MAGI2: variants seen among roughly 807,000 people sequenced by gnomAD.
The protein encoded by MAGI2 is membrane-associated guanylate kinase, WW and PDZ domain-containing protein 2.
Under a neutral mutation model 133.3 loss-of-function variants are expected in MAGI2, and 35 were observed. The observed-to-expected ratio is 0.26, with a 90% CI of 0.20 to 0.35. The LOEUF is 0.35. Ranked by LOEUF, MAGI2 falls within the 10% of genes least tolerant of loss-of-function variation. MAGI2 has a pLI of 1.00. For synonymous variants in MAGI2, 729 were observed against 710.6 expected (o/e 1.03, Z -0.41); for missense variants, 1,636 against 1,863.4 (o/e 0.88, Z 2.25).
chr7:79,452,387 A>G (rs6949538), intron 1 of MAGI2, among the ~76,000 whole-genome samples: 131,594 of 152,188 alleles, frequency 0.86, 57,237 homozygotes, highest in African/African-American at 0.95. Flanking sequence ...CACGACCGTG[A>G]GCGGGGGAGG....
At chr7:79,153,509 A>C (rs745649534) in intron 1 of MAGI2, among the ~76,000 whole-genome samples, 6 of 152,242 alleles carry the variant, frequency 3.9e-5, no homozygotes, top group Admixed American at 1.3e-4. Flanking sequence ...AGAGAGCAGG[A>C]AAGGCCTCTG....
chr7:78,085,124 A>C (rs1333904237), intron 20 of MAGI2, among the ~76,000 whole-genome samples: 1 of 152,226 alleles, frequency 6.6e-6, no homozygotes, highest in African/African-American at 2.4e-5. Flanking sequence ...TTGGAAACTG[A>C]AACACATGTT....
intron 6 of MAGI2, among the ~76,000 whole-genome samples, chr7:78,376,548 C>T (rs1220931960): frequency 6.6e-6 from 1 of 151,938 alleles, no homozygotes; most frequent in Non-Finnish European, 1.5e-5. Flanking sequence ...ATTTTATGGG[C>T]TGGTTGTTGA....
chr7:78,143,924 GT>G (rs374859888), intron 16 of MAGI2, among the ~76,000 whole-genome samples: 210 of 137,690 alleles, frequency 1.5e-3, no homozygotes, highest in African/African-American at 1.8e-3. Context: ...AGTCCTATAA[GT>G]TTTTTTTTTT....
In MAGI2 at chr7:79,370,942, AG is replaced by A. The variant is rs566324204; in HGVS notation, c.301+82077del. ...GCATTTTTTTCTCACTCTTGAATCC[AG>A]TTTTTCAGGGATCTCATGGCTTCCA... On this transcript the variant is annotated intron_variant, in intron 1 of 21. Coordinates refer to ENST00000354212, the MANE Select transcript of MAGI2 (RefSeq NM_012301.4). Among the ~76,000 whole-genome samples, 291 of 152,170 alleles carry A rather than the reference AG, an allele frequency of 1.9e-3. 1 individual carries two copies. Among genetic ancestry groups the A allele is most frequent in the African/African-American group, 6.7e-3 (279 of 41,538 alleles).
chr7:79,088,702 G>T lies in MAGI2; in HGVS notation c.302-81496C>A, dbSNP rs556447271. On this transcript the variant is annotated intron_variant, in intron 1 of 21. Transcript: ENST00000354212. The stretch of plus-strand genomic sequence containing the variant: ...ATGTTCCATCAGTACCTAGTTTATT[G>T]AGAGTTTTCAGCATGAAGTGGTGTT... 2.0e-3 allele frequency among the ~76,000 whole-genome samples: 297 copies of T among 152,112 alleles called. 1 individual carries two copies. The highest frequency in any genetic ancestry group is 6.9e-3 in the African/African-American group (285 of 41,514).
At chr7:78,578,246 G>T (rs1445502413) in intron 3 of MAGI2, among the ~76,000 whole-genome samples, 1 of 152,036 alleles carries the variant, frequency 6.6e-6, no homozygotes, top group Non-Finnish European at 1.5e-5. Flanking sequence ...GCCTGAGAAT[G>T]TAAGAACCCT....
chr7:79,001,163 C>T (rs965676320), intron 2 of MAGI2, among the ~76,000 whole-genome samples: 7 of 152,198 alleles, frequency 4.6e-5, no homozygotes, highest in African/African-American at 1.7e-4. Flanking sequence ...GATCCTCCTG[C>T]CTCGGCCTCC....
intron 4 of MAGI2, among the ~76,000 whole-genome samples, chr7:78,519,851 G>A (rs1484729605): frequency 6.6e-6 from 1 of 152,158 alleles, no homozygotes; most frequent in Non-Finnish European, 1.5e-5. Flanking sequence ...AATGTTATAT[G>A]ACCCCAGCCT....
chr7:78,199,088 C>T (rs978397014), intron 11 of MAGI2, among the ~76,000 whole-genome samples: 2 of 152,152 alleles, frequency 1.3e-5, no homozygotes, highest in Non-Finnish European at 1.5e-5. Flanking sequence ...TTAGCGTCTT[C>T]CTGGCCTTCA....
chr7:79,041,816 T>A (rs1283837836), intron 1 of MAGI2, among the ~76,000 whole-genome samples: 1 of 152,100 alleles, frequency 6.6e-6, no homozygotes, highest in Non-Finnish European at 1.5e-5. Context: ...ATAACAAAAC[T>A]AAAGCCTCAA....
At chr7:78,204,677 T>C (rs1454947206) in intron 10 of MAGI2, among the ~76,000 whole-genome samples, 3 of 152,188 alleles carry the variant, frequency 2.0e-5, no homozygotes, top group African/African-American at 7.2e-5. Context: ...CTTAGCAACT[T>C]GTTGTGTGTT....
intron 3 of MAGI2, among the ~76,000 whole-genome samples, chr7:78,593,862 T>G (rs1804310482): frequency 6.6e-6 from 1 of 152,226 alleles, no homozygotes; most frequent in Non-Finnish European, 1.5e-5. Context: ...TTTTGTTCTT[T>G]TTTGGTCAAT....
chr7:79,186,835 C>T (rs1181741703), intron 1 of MAGI2, among the ~76,000 whole-genome samples: 12 of 143,042 alleles, frequency 8.4e-5, no homozygotes, highest in African/African-American at 3.2e-4. Flanking sequence ...CCTAAAATGT[C>T]AATTGAAACG....
chr7:79,364,008 C>A (rs2129125803), intron 1 of MAGI2, among the ~76,000 whole-genome samples: 2 of 151,956 alleles, frequency 1.3e-5, no homozygotes, highest in East Asian at 3.9e-4. Flanking sequence ...CATCTCTAAT[C>A]CTCAGACAAA....
intron 2 of MAGI2, among the ~76,000 whole-genome samples, chr7:78,968,513 A>G (rs1191531927): frequency 6.6e-6 from 1 of 151,564 alleles, no homozygotes; most frequent in African/African-American, 2.4e-5. Context: ...TGATGTTACT[A>G]TAATGGGATT....
chr7:78,243,346 T>C (rs889523198), intron 10 of MAGI2, among the ~76,000 whole-genome samples: 2 of 152,136 alleles, frequency 1.3e-5, no homozygotes, highest in African/African-American at 2.4e-5. Context: ...TATGGTGTTA[T>C]GTATATTATA....
intron 16 of MAGI2, among the ~76,000 whole-genome samples, chr7:78,137,983 T>G (rs1274424031): frequency 6.6e-6 from 1 of 152,184 alleles, no homozygotes; most frequent in Non-Finnish European, 1.5e-5. Context: ...CCTTAACAAA[T>G]CATATGAAAT....
chr7:78,276,472 T>C (rs1795067795), intron 9 of MAGI2, among the ~76,000 whole-genome samples: 2 of 152,134 alleles, frequency 1.3e-5, no homozygotes, highest in African/African-American at 4.8e-5. Context: ...TATTTTTTTT[T>C]TCCCCAAAGG....
Sources: allele counts gnomAD v4.1 joint callset (sites outside exome capture counted in the v4.1 genomes callset), GRCh38; gene constraint gnomAD v4.1.1; transcripts MANE v1.5; gene names NCBI Gene and HGNC (gene_info 2026-07-23, HGNC 2026-07-21).